TNS3: variants seen among roughly 807,000 people sequenced by gnomAD.
The protein encoded by TNS3 is tensin 3.
In TNS3, 45 loss-of-function variants were observed where a neutral mutation model predicts 140.9. The observed-to-expected ratio is 0.32, with a 90% confidence interval of 0.25 to 0.41. TNS3 has a LOEUF of 0.41. Among genes scored for constraint, TNS3 ranks in the 10% least tolerant of loss-of-function variants. The pLI, the probability that TNS3 is intolerant of heterozygous loss-of-function variation, is 1.00. For synonymous variants in TNS3, 815 were observed against 788.4 expected, an observed-to-expected ratio of 1.03 and a Z score of -0.56; for missense variants, 1,716 against 1,906.7, an observed-to-expected ratio of 0.90 and a Z score of 1.86.
At chr7:47,286,264 G>T (rs936324316) in intron 27 of TNS3, among the ~76,000 whole-genome samples, 1 of 152,122 alleles carries the variant, frequency 6.6e-6, no homozygotes, top group Admixed American at 6.5e-5. Context: ...AGTCTTGCTG[G>T]CTAGAGTTTG....
intron 16 of TNS3, among the ~76,000 whole-genome samples, chr7:47,385,295 C>A (rs770178900): frequency 4.6e-5 from 7 of 152,218 alleles, no homozygotes; most frequent in Non-Finnish European, 1.0e-4. Flanking sequence ...CCCTCTGACC[C>A]CTCAGTGTGG....
Position 47,380,762 on chromosome 7 carries a change from A to ACG in TNS3, c.1025-11143_1025-11142dup, listed in dbSNP as rs149114591. ...GGCACAGACACACATACACATATGC[A>ACG]CGCGCGCGCACACACACACACACAC... On this transcript the variant is annotated intron_variant, in intron 16 of 30. Coordinates refer to ENST00000311160, the MANE Select transcript of TNS3 (RefSeq NM_022748.12). 1.8e-4 allele frequency among the ~76,000 whole-genome samples: 25 copies of ACG among 139,644 alleles called. No individual in the cohort carries two copies. In the South Asian group the frequency reaches 3.8e-3, roughly 21 times the overall value. 91.6% of individuals were successfully genotyped at this position (139,644 alleles called of 152,430 possible).
intron 3 of TNS3, among the ~76,000 whole-genome samples, chr7:47,500,389 G>T (rs1013827199): frequency 6.6e-6 from 1 of 152,222 alleles, no homozygotes; most frequent in African/African-American, 2.4e-5. Flanking sequence ...CGTGCTGGCC[G>T]CGTGAGCTGG....
At chr7:47,488,753 C>T (rs1477370891) in intron 3 of TNS3, among the ~76,000 whole-genome samples, 1 of 152,012 alleles carries the variant, frequency 6.6e-6, no homozygotes, top group Non-Finnish European at 1.5e-5. Flanking sequence ...GTCAGGTCGA[C>T]ACAGAACGTT....
intron 16 of TNS3, among the ~76,000 whole-genome samples, chr7:47,390,116 C>T (rs1047119892): frequency 6.6e-6 from 1 of 152,180 alleles, no homozygotes; most frequent in African/African-American, 2.4e-5. Context: ...CAACAAGGAC[C>T]GAGGCTGCAG....
At chr7:47,340,075 A>ATG (rs1163543555) in intron 20 of TNS3, among the ~76,000 whole-genome samples, 1 of 115,716 alleles carries the variant, frequency 8.6e-6, no homozygotes, top group Non-Finnish European at 1.7e-5. Context: ...ATACGAATAT[A>ATG]TGTGTGTGTG....
At chr7:47,449,980 C>T (rs1795940216) in intron 4 of TNS3, among the ~76,000 whole-genome samples, 1 of 152,314 alleles carries the variant, frequency 6.6e-6, no homozygotes, top group Admixed American at 6.5e-5. Flanking sequence ...GCTCTACAGC[C>T]CCCTCCCATG....
intron 1 of TNS3, among the ~76,000 whole-genome samples, chr7:47,533,963 T>C (rs1309791033): frequency 6.6e-6 from 1 of 152,102 alleles, no homozygotes; most frequent in Admixed American, 6.6e-5. Flanking sequence ...GAAAATGGAC[T>C]AATACAATCA....
At chr7:47,522,942 T>TAAAAAAA (rs1799044176) in intron 2 of TNS3, among the ~76,000 whole-genome samples, 1 of 113,216 alleles carries the variant, frequency 8.8e-6, no homozygotes, top group Non-Finnish European at 2.0e-5. Flanking sequence ...AAAAAAAGAG[T>TAAAAAAA]TTCTATTGTT....
intron 1 of TNS3, among the ~76,000 whole-genome samples, chr7:47,546,808 T>C (rs901438586): frequency 3.0e-4 from 46 of 152,178 alleles, no homozygotes; most frequent in Non-Finnish European, 2.1e-4. Flanking sequence ...TACTATAAAC[T>C]ACGCGTGTGC....
chr7:47,359,236 G>A (rs761336096), intron 17 of TNS3, among the ~76,000 whole-genome samples: 3 of 152,152 alleles, frequency 2.0e-5, no homozygotes, highest in Non-Finnish European at 4.4e-5. Context: ...TTCCCACATG[G>A]GCTGTAACAC....
rs527280324 is a variant in TNS3, at chr7:47,489,086, A to G, written c.-114-7945T>C. ...CCCTGGAATCCCTAATTAGGTTCAC[A>G]TTCCTCAGGAAGCTCTGTTATCCCA... is the stretch of plus-strand genomic sequence containing the variant. On this transcript the variant is annotated intron_variant, in intron 3 of 30. Transcript: ENST00000311160. Among the ~76,000 whole-genome samples, 9 of 152,264 alleles carry G rather than the reference A, an allele frequency of 5.9e-5. No individual in the cohort carries two copies. In the East Asian group the frequency reaches 1.7e-3, roughly 29 times the overall value.
intron 9 of TNS3, among the ~76,000 whole-genome samples, chr7:47,426,372 A>G (rs984302760): frequency 6.6e-6 from 1 of 152,230 alleles, no homozygotes; most frequent in Non-Finnish European, 1.5e-5. Context: ...ATAAAGTGCT[A>G]TGCTGCCACT....
intron 2 of TNS3, among the ~76,000 whole-genome samples, chr7:47,516,536 T>C (rs1798783528): frequency 6.6e-6 from 1 of 152,128 alleles, no homozygotes; most frequent in South Asian, 2.1e-4. Context: ...CTCAACTCAA[T>C]GAGCTGCAGC....
intron 25 of TNS3, among the ~76,000 whole-genome samples, 171 bp downstream of exon 25, chr7:47,293,562 A>G (rs1157626425): frequency 1.3e-5 from 2 of 152,204 alleles, no homozygotes; most frequent in African/African-American, 4.8e-5. Context: ...ACAACTTCAA[A>G]TCTAGTTTAT....
At chr7:47,327,085 G>T (rs1788064910) in intron 20 of TNS3, among the ~76,000 whole-genome samples, 1 of 152,148 alleles carries the variant, frequency 6.6e-6, no homozygotes, top group African/African-American at 2.4e-5. Flanking sequence ...GCCCACCCTG[G>T]GCCCAGGCGC....
At chr7:47,372,537 G>A (rs533074678) in intron 16 of TNS3, among the ~76,000 whole-genome samples, 6 of 152,190 alleles carry the variant, frequency 3.9e-5, no homozygotes. Flanking sequence ...GCACAGGATA[G>A]TCCCTCTCCT....
At chr7:47,289,490 C>T (rs1338825130) in intron 27 of TNS3, among the ~76,000 whole-genome samples, 8 of 152,172 alleles carry the variant, frequency 5.3e-5, no homozygotes, top group Non-Finnish European at 8.8e-5. Context: ...GGGGCCACTA[C>T]GACTGCATCT....
At chr7:47,358,769 T>G (rs1029626504) in intron 17 of TNS3, among the ~76,000 whole-genome samples, 1 of 152,210 alleles carries the variant, frequency 6.6e-6, no homozygotes, top group Non-Finnish European at 1.5e-5. Context: ...TCCCTGAGAC[T>G]GTGGATTTGT....
Sources: gnomAD v4.1 joint callset for allele counts (sites outside exome capture counted in the v4.1 genomes callset) on GRCh38, gnomAD v4.1.1 for gene constraint, MANE v1.5 for transcripts, NCBI Gene and HGNC (gene_info 2026-07-23, HGNC 2026-07-21) for gene names.